TGFA: variants seen among roughly 807,000 people sequenced by gnomAD.
TGFA encodes protransforming growth factor alpha.
TGFA carries 12 observed loss-of-function variants against 21.7 expected under a neutral mutation model. That is an observed-to-expected ratio of 0.55 (90% confidence interval 0.35 to 0.90). The LOEUF is 0.90. Among genes scored for constraint, TGFA ranks in the 40% least tolerant of loss-of-function variants. TGFA has a pLI of 0.01. For synonymous variants in TGFA, 79 were observed against 88.1 expected, an observed-to-expected ratio of 0.90 and a Z score of 0.58; for missense variants, 178 against 210.8, an observed-to-expected ratio of 0.84 and a Z score of 0.96.
chr2:70,552,159 C>A (rs1673531168), intron 1 of TGFA, among the ~76,000 whole-genome samples: 2 of 151,752 alleles, frequency 1.3e-5, no homozygotes, highest in African/African-American at 4.8e-5. Context: ...CGTTCTTCGA[C>A]AATCCTGGTC....
At chr2:70,526,478 T>C (rs1672639031) in intron 1 of TGFA, among the ~76,000 whole-genome samples, 2 of 152,188 alleles carry the variant, frequency 1.3e-5, no homozygotes, top group Admixed American at 1.3e-4. Flanking sequence ...AGCAAAGCTG[T>C]TCAGTTAATG....
At chr2:70,515,233 T>C (rs1301527555) in intron 1 of TGFA, among the ~76,000 whole-genome samples, 2 of 152,228 alleles carry the variant, frequency 1.3e-5, no homozygotes, top group Admixed American at 6.5e-5. Context: ...TATTTTTTTA[T>C]GGTGGGAAAA....
At chr2:70,527,773 C>T (rs1255393838) in intron 1 of TGFA, among the ~76,000 whole-genome samples, 2 of 152,176 alleles carry the variant, frequency 1.3e-5, no homozygotes, top group African/African-American at 2.4e-5. Flanking sequence ...AAATCTAAAG[C>T]TACTCTAAAA....
intron 1 of TGFA, 100 bp downstream of exon 1, chr2:70,553,628 C>A (rs1673585421): frequency 3.1e-6 from 4 of 1,307,260 alleles, no homozygotes; most frequent in Non-Finnish European, 3.9e-6. Context: ...TCTCCACTCT[C>A]CCAGGCGGGC....
intron 1 of TGFA, among the ~76,000 whole-genome samples, chr2:70,538,929 C>T (rs1195579593): frequency 3.3e-5 from 5 of 152,174 alleles, no homozygotes; most frequent in Admixed American, 1.3e-4. Flanking sequence ...AATCAATTAG[C>T]ATGGCAAATT....
At chr2:70,491,395 G>A (rs1370546081) in intron 2 of TGFA, among the ~76,000 whole-genome samples, 3 of 152,126 alleles carry the variant, frequency 2.0e-5, no homozygotes, top group Non-Finnish European at 4.4e-5. Flanking sequence ...CCAAACCAAA[G>A]TTTTCAGCTT....
In TGFA at chr2:70,525,369, C is replaced by T. The variant is rs1268765310; in HGVS notation, c.41-10457G>A. ...GGAAGGGGACAATGCTGCCCCATTG[C>T]TAATCCCCACTGTCCACCTTGGGGG... On this transcript the variant is annotated intron_variant, in intron 1 of 5. Transcript: ENST00000295400. Among the ~76,000 whole-genome samples the T allele has an allele frequency of 2.6e-5, 4 of 152,166 alleles. No individual in the cohort carries two copies. In the East Asian group the frequency reaches 7.7e-4, roughly 29 times the overall value.
chr2:70,517,907 G>A (rs1458234382), intron 1 of TGFA, among the ~76,000 whole-genome samples: 3 of 152,234 alleles, frequency 2.0e-5, no homozygotes, highest in Non-Finnish European at 4.4e-5. Context: ...CTAATGAGGG[G>A]CAAAGGTATG....
At chr2:70,486,718 C>T (rs533683020) in intron 2 of TGFA, among the ~76,000 whole-genome samples, 23 of 152,118 alleles carry the variant, frequency 1.5e-4, no homozygotes, top group Middle Eastern at 6.8e-3. Flanking sequence ...TGCCATGGCC[C>T]CCTAAAGTGC....
In TGFA at chr2:70,448,602, T is replaced by C. The variant is rs948157385; in HGVS notation, c.*2257A>G. 24 of 152,248 alleles carry C rather than the reference T, an allele frequency of 1.6e-4. No homozygotes were observed. The highest frequency in any genetic ancestry group is 5.1e-4 in the African/African-American group (21 of 41,472). The allele number at this position is 152,248 out of a possible 1,614,324, so 9.4% of individuals were successfully genotyped here. ...CAATGCTTATCAGTCATTTGATTTC[T>C]AGAAGAAAAATCCCCAAATAAGCCA... On this transcript the variant is annotated 3_prime_UTR_variant, in exon 6 of 6. Coordinates refer to ENST00000295400, the MANE Select transcript of TGFA (RefSeq NM_003236.4).
Position 70,465,616 on chromosome 2 carries a change from A to G in TGFA, c.215T>C (p.Val72Ala). Residue 72 changes from valine (V) to alanine (A), a missense_variant and splice_region_variant, in exon 3 of 6, where the codon GTC becomes GCC. Transcript: ENST00000295400. ...CTCCAGGAGAACAGGGGATACTTACACACATGCTGGCTTGTCCTCCTGCAC... is the reference window on the plus strand; with the variant it reads ...CTCCAGGAGAACAGGGGATACTTACGCACATGCTGGCTTGTCCTCCTGCAC... ...FLVQEDKPAC[V>A]CHSGYVGARC... 10 of 1,614,100 alleles carry G rather than the reference A, an allele frequency of 6.2e-6. No homozygotes were observed. The highest frequency in any genetic ancestry group is 6.8e-6 in the Non-Finnish European group (8 of 1,179,990).
chr2:70,451,047 C>A (rs1670038825), intron 5 of TGFA, among the ~76,000 whole-genome samples, 181 bp from the exon 6 acceptor site: 1 of 151,942 alleles, frequency 6.6e-6, no homozygotes, highest in African/African-American at 2.4e-5. Flanking sequence ...TGACCTAGTA[C>A]TTTCAGTGCC....
intron 3 of TGFA, among the ~76,000 whole-genome samples, chr2:70,458,197 C>A (rs1379367641): frequency 1.3e-5 from 2 of 152,262 alleles, no homozygotes; most frequent in East Asian, 3.9e-4. Flanking sequence ...CTGGCCCTTT[C>A]CTATGAGGCG....
chr2:70,537,179 A>C (rs1485600741), intron 1 of TGFA, among the ~76,000 whole-genome samples: 1 of 151,356 alleles, frequency 6.6e-6, no homozygotes, highest in Non-Finnish European at 1.5e-5. Flanking sequence ...GGTGCCATGA[A>C]CCACACCCGT....
At chr2:70,452,664 G>T (rs945118922) in intron 5 of TGFA, among the ~76,000 whole-genome samples, 1 of 152,098 alleles carries the variant, frequency 6.6e-6, no homozygotes, top group African/African-American at 2.4e-5. Flanking sequence ...AGGGTAAGCC[G>T]GGCACAGTGG....
chr2:70,523,790 A>G (rs141440794), intron 1 of TGFA, among the ~76,000 whole-genome samples: 1 of 152,274 alleles, frequency 6.6e-6, no homozygotes, highest in Non-Finnish European at 1.5e-5. Context: ...ACTTCAAGAG[A>G]CAAATGAGAA....
In TGFA at chr2:70,553,709, C is replaced by T. The variant is rs781848984; in HGVS notation, c.40+19G>A. The T allele has an allele frequency of 7.5e-7, 1 of 1,330,052 alleles. No homozygotes were observed. Among genetic ancestry groups the T allele is most frequent in the Non-Finnish European group, 9.6e-7 (1 of 1,038,058 alleles). The allele number at this position is 1,330,052 out of a possible 1,614,324, so 82.4% of individuals were successfully genotyped here. On this transcript the variant is annotated intron_variant, in intron 1 of 5. Transcript: ENST00000295400. ...AGGGTGTCGCGCGGCGCAGGGGGCGCCGCAGCCGGCGTACGTACCCAGAGC... is the reference window on the plus strand; with the variant it reads ...AGGGTGTCGCGCGGCGCAGGGGGCGTCGCAGCCGGCGTACGTACCCAGAGC...
At chr2:70,458,231 C>T (rs1670300142) in intron 3 of TGFA, among the ~76,000 whole-genome samples, 1 of 152,176 alleles carries the variant, frequency 6.6e-6, no homozygotes, top group Non-Finnish European at 1.5e-5. Flanking sequence ...GGCTAGACTC[C>T]AGGCTGAGAG....
intron 1 of TGFA, among the ~76,000 whole-genome samples, chr2:70,552,777 A>C (rs569408276): frequency 6.6e-6 from 1 of 152,332 alleles, no homozygotes; most frequent in Admixed American, 6.5e-5. Flanking sequence ...GCCGCATGCT[A>C]TACGGGTTAA....
Sources: gnomAD v4.1 joint callset for allele counts (sites outside exome capture counted in the v4.1 genomes callset) on GRCh38, gnomAD v4.1.1 for gene constraint, MANE v1.5 for transcripts, NCBI Gene and HGNC (gene_info 2026-07-23, HGNC 2026-07-21) for gene names.